SCN11A: variants seen among roughly 807,000 people sequenced by gnomAD.
SCN11A encodes sodium voltage-gated channel alpha subunit 11.
Under a neutral mutation model 162.2 loss-of-function variants are expected in SCN11A, and 122 were observed. The observed-to-expected ratio is 0.75, with a 90% confidence interval of 0.65 to 0.87. The LOEUF (loss-of-function observed/expected upper bound fraction) is 0.87. SCN11A is among the 40% of genes least tolerant of loss of function. The pLI, the probability that SCN11A is intolerant of heterozygous loss-of-function variation, is 0.00. For synonymous variants in SCN11A, 758 were observed against 751.5 expected, an observed-to-expected ratio of 1.01 and a Z score of -0.14; for missense variants, 2,015 against 2,181.6, an observed-to-expected ratio of 0.92 and a Z score of 1.52.
chr3:38,928,831 T>C lies in SCN11A; in HGVS notation c.489-1900A>G, dbSNP rs550279281. On this transcript the variant is annotated intron_variant, in intron 7 of 29. Coordinates refer to ENST00000302328, the MANE Select transcript of SCN11A (RefSeq NM_001349253.2). ...AAGAAATGGGAACACTTGTGCACTG[T>C]TGATGAGATTGTAAAATGGTGCAAT... Among the ~76,000 whole-genome samples, 7 of 152,260 alleles carry C rather than the reference T, an allele frequency of 4.6e-5. No individual in the cohort carries two copies. The East Asian group carries it at 7.7e-4, about 17-fold the overall frequency.
chr3:39,001,373 T>C (rs1176499892), intron 2 of SCN11A, among the ~76,000 whole-genome samples: 1 of 152,238 alleles, frequency 6.6e-6, no homozygotes, highest in African/African-American at 2.4e-5. Flanking sequence ...TACGATTATA[T>C]AATATGTGGT....
At chr3:38,906,752 A>T (rs1164392370) in intron 14 of SCN11A, among the ~76,000 whole-genome samples, 2 of 152,138 alleles carry the variant, frequency 1.3e-5, no homozygotes, top group Non-Finnish European at 1.5e-5. Context: ...TCATAAATCC[A>T]GTCATATCCC....
rs536925812 is a variant in SCN11A at position 38,867,407 on chromosome 3, C to T, written c.3865G>A (p.Val1289Ile). Reference sequence around the variant, plus strand: ...AATGAGCCAAAGATGATAAAGACTACGAAGTAAATGTAACCGAGTGAATTG... The same window carrying T: ...AATGAGCCAAAGATGATAAAGACTATGAAGTAAATGTAACCGAGTGAATTG... ...ESNSLGYIYF[V>I]VFIIFGSFFT... is the part of the protein sequence containing the mutation. The change falls in exon 27 of 30, where the codon GTA (valine) becomes ATA (isoleucine). Residue 1289 changes from valine to isoleucine, a missense_variant. By Grantham distance (29) the Val-to-Ile change is conservative. Coordinates refer to ENST00000302328, the MANE Select transcript of SCN11A (RefSeq NM_001349253.2). The T allele has an allele frequency of 4.5e-5, 72 of 1,612,886 alleles. 1 individual carries two copies. In the Admixed American group the frequency reaches 5.8e-4, roughly 13 times the overall value.
At chr3:38,949,673 A>G (rs1330198523) in intron 5 of SCN11A, among the ~76,000 whole-genome samples, 1 of 152,214 alleles carries the variant, frequency 6.6e-6, no homozygotes, top group Admixed American at 6.5e-5. Context: ...CAGCATGTCT[A>G]TGCTCTAAGG....
At chr3:39,038,068 A>C (rs1013822649) in intron 1 of SCN11A, among the ~76,000 whole-genome samples, 5 of 152,352 alleles carry the variant, frequency 3.3e-5, no homozygotes, top group Admixed American at 1.3e-4. Context: ...TATCTTTGTG[A>C]GAGCTGTGAA....
intron 14 of SCN11A, among the ~76,000 whole-genome samples, chr3:38,905,561 T>G (rs1181189612): frequency 6.6e-6 from 1 of 152,228 alleles, no homozygotes; most frequent in Non-Finnish European, 1.5e-5. Context: ...GAGTCCTACC[T>G]ACAGACATTT....
At chr3:39,019,657 G>A (rs1196271600) in intron 2 of SCN11A, among the ~76,000 whole-genome samples, 1 of 152,134 alleles carries the variant, frequency 6.6e-6, no homozygotes, top group Non-Finnish European at 1.5e-5. Flanking sequence ...TGAAGTCAAA[G>A]TCCACTCTGC....
At chr3:38,970,981 C>A (rs541843001) in intron 2 of SCN11A, among the ~76,000 whole-genome samples, 1 of 152,246 alleles carries the variant, frequency 6.6e-6, no homozygotes, top group South Asian at 2.1e-4. Flanking sequence ...AGAGCTGCTA[C>A]CAGAGCCCCA....
At chr3:39,020,430 C>T (rs181872670) in intron 2 of SCN11A, among the ~76,000 whole-genome samples, 48 of 151,442 alleles carry the variant, frequency 3.2e-4, no homozygotes, top group African/African-American at 1.1e-3. Context: ...CCTCAAGAAC[C>T]TGTACATTTC....
chr3:38,850,431 C>A, intron 29 of SCN11A, 50 bp downstream of exon 29: 1 of 1,521,082 alleles, frequency 6.6e-7, no homozygotes, highest in Non-Finnish European at 9.0e-7. Context: ...ATAAGATTTA[C>A]AAACTTACTT....
At chr3:38,966,798 C>A (rs2066785185) in intron 2 of SCN11A, among the ~76,000 whole-genome samples, 1 of 152,216 alleles carries the variant, frequency 6.6e-6, no homozygotes, top group South Asian at 2.1e-4. Context: ...TATTATTCTC[C>A]TTGGCTTCTG....
intron 26 of SCN11A, among the ~76,000 whole-genome samples, chr3:38,868,079 T>C (rs4481097): frequency 0.49 from 74,988 of 152,036 alleles, 18,607 homozygotes; most frequent in African/African-American, 0.54. Flanking sequence ...TCTCCTAGTC[T>C]AAGATACAAC....
At chr3:38,998,314 A>G (rs1328646214) in intron 2 of SCN11A, among the ~76,000 whole-genome samples, 2 of 152,220 alleles carry the variant, frequency 1.3e-5, no homozygotes, top group Non-Finnish European at 2.9e-5. Flanking sequence ...TGTAGCCATC[A>G]TAGGAAAATG....
chr3:38,964,119 C>T (rs1223762947), intron 2 of SCN11A, among the ~76,000 whole-genome samples: 1 of 152,194 alleles, frequency 6.6e-6, no homozygotes, highest in Non-Finnish European at 1.5e-5. Flanking sequence ...GAGCAGAGCA[C>T]CTGTGCTGGG....
intron 2 of SCN11A, among the ~76,000 whole-genome samples, chr3:38,960,689 C>T (rs1257768558): frequency 1.3e-5 from 2 of 152,142 alleles, no homozygotes; most frequent in South Asian, 2.1e-4. Context: ...GTTGTGCTTC[C>T]GCATTAAGCT....
chr3:39,004,443 G>A (rs528657383), intron 2 of SCN11A, among the ~76,000 whole-genome samples: 7 of 152,306 alleles, frequency 4.6e-5, no homozygotes, highest in African/African-American at 1.7e-4. Flanking sequence ...ATAGTTTGAA[G>A]TTGGGTAATG....
chr3:38,929,942 T>C (rs1388306614), intron 7 of SCN11A, among the ~76,000 whole-genome samples: 1 of 152,230 alleles, frequency 6.6e-6, no homozygotes, highest in Non-Finnish European at 1.5e-5. Flanking sequence ...AATACATCTG[T>C]ATTCTTTACA....
At chr3:38,848,323 G>A (rs1000674885) in intron 29 of SCN11A, among the ~76,000 whole-genome samples, 1 of 152,186 alleles carries the variant, frequency 6.6e-6, no homozygotes, top group Admixed American at 6.5e-5. Flanking sequence ...AAACATTATA[G>A]AATGGTTGGA....
rs755040820 is a variant in SCN11A, at chr3:38,871,552, T to C, written c.3652A>G (p.Thr1218Ala). 7.4e-6 allele frequency: 12 copies of C among 1,612,682 alleles called. No individual in the cohort carries two copies. In the Admixed American group the frequency reaches 1.8e-4, roughly 25 times the overall value. The change falls in exon 25 of 30, where the codon ACC (threonine) becomes GCC (alanine). Residue 1218 changes from threonine (T) to alanine (A), a missense_variant. Coordinates refer to ENST00000302328, the MANE Select transcript of SCN11A (RefSeq NM_001349253.2). ...CATTGACTTTTATTTGTAATGATGG[T>C]ATAATTTATAACTGAGTCTGTTCCA... is the stretch of plus-strand genomic sequence containing the variant. ...INGTDSVINY[T>A]IITNKSQCES...
Sources: allele counts gnomAD v4.1 joint callset (sites outside exome capture counted in the v4.1 genomes callset), GRCh38; gene constraint gnomAD v4.1.1; transcripts MANE v1.5; gene names NCBI Gene and HGNC (gene_info 2026-07-23, HGNC 2026-07-21).